The following FAF1 variants were observed in gnomAD, a reference collection of about 807,000 sequenced individuals.
FAF1 encodes FAS-associated factor 1.
FAF1 carries 25 observed loss-of-function variants against 92.5 expected under a neutral mutation model. The observed-to-expected ratio is 0.27, with a 90% confidence interval of 0.20 to 0.38. The LOEUF (loss-of-function observed/expected upper bound fraction) is 0.38. Among genes scored for constraint, FAF1 ranks in the 10% least tolerant of loss-of-function variants. FAF1 has a pLI of 1.00. For missense variants in FAF1, 636 were observed against 793.3 expected (o/e 0.80, Z 2.38); for synonymous variants, 234 against 273.2 (o/e 0.86, Z 1.42).
At chr1:50,555,349 G>C (rs771990540) in intron 13 of FAF1, among the ~76,000 whole-genome samples, 16 of 151,840 alleles carry the variant, frequency 1.1e-4, no homozygotes, top group Non-Finnish European at 1.8e-4. Flanking sequence ...AAAAGAATGG[G>C]AGAAAATACA....
chr1:50,642,939 C>T (rs561811914), intron 8 of FAF1, among the ~76,000 whole-genome samples: 45 of 152,150 alleles, frequency 3.0e-4, no homozygotes, highest in African/African-American at 1.0e-3. Flanking sequence ...CTCCCAGGTT[C>T]AAGCGATTTT....
chr1:50,889,591 C>T (rs1283138788), intron 1 of FAF1, among the ~76,000 whole-genome samples: 1 of 152,168 alleles, frequency 6.6e-6, no homozygotes, highest in Non-Finnish European at 1.5e-5. Flanking sequence ...TTTCAAAGAA[C>T]ATCTTTATTT....
chr1:50,683,529 T>TA (rs746843287), intron 7 of FAF1, among the ~76,000 whole-genome samples: 2,048 of 139,452 alleles, frequency 0.015, 10 homozygotes, highest in Non-Finnish European at 0.02. Context: ...CCTGTCTCAT[T>TA]AAAAAAAAAA....
At chr1:50,922,776 G>T (rs12071169) in intron 1 of FAF1, among the ~76,000 whole-genome samples, 11 of 131,376 alleles carry the variant, frequency 8.4e-5, no homozygotes, top group Non-Finnish European at 1.5e-4. Flanking sequence ...CCAAGATCAC[G>T]CCATTGCACT....
intron 18 of FAF1, among the ~76,000 whole-genome samples, chr1:50,462,638 G>A (rs886194626): frequency 6.6e-6 from 1 of 152,178 alleles, no homozygotes; most frequent in Non-Finnish European, 1.5e-5. Context: ...GACCATTATA[G>A]AATCTGGGGC....
rs1044751554 is a variant in FAF1, at chr1:50,827,027, C to T, written c.115-25350G>A. ...GAGGAGTGCCTCTGCCCGGCCGCCC[C>T]GTCTGGGAGGTGAGGAGCGCCTCTG... On this transcript the variant is annotated intron_variant, in intron 2 of 18. Coordinates refer to ENST00000396153, the MANE Select transcript of FAF1 (RefSeq NM_007051.3). 3.1e-4 allele frequency among the ~76,000 whole-genome samples: 47 copies of T among 150,264 alleles called. 1 individual carries two copies. The highest frequency in any genetic ancestry group is 1.2e-3 in the African/African-American group (47 of 40,718).
chr1:50,654,227 A>G (rs1655003360), intron 8 of FAF1, among the ~76,000 whole-genome samples: 1 of 152,262 alleles, frequency 6.6e-6, no homozygotes, highest in Non-Finnish European at 1.5e-5. Flanking sequence ...ATGTTAAAAG[A>G]TAATTCAATT....
chr1:50,723,325 G>A (rs530276999), intron 6 of FAF1, among the ~76,000 whole-genome samples: 2 of 151,908 alleles, frequency 1.3e-5, no homozygotes, highest in South Asian at 4.2e-4. Context: ...TGCTTGAACC[G>A]GGAGGCAGAG....
chr1:50,727,073 T>A (rs1367680557), intron 6 of FAF1, among the ~76,000 whole-genome samples: 1 of 152,246 alleles, frequency 6.6e-6, no homozygotes, highest in Non-Finnish European at 1.5e-5. Context: ...TTCTTCACTC[T>A]GCCCTTCACT....
intron 1 of FAF1, among the ~76,000 whole-genome samples, chr1:50,924,168 T>C (rs1644986624): frequency 6.6e-6 from 1 of 151,656 alleles, no homozygotes; most frequent in Non-Finnish European, 1.5e-5. Flanking sequence ...ATAGAAAACC[T>C]AACACTTCAC....
chr1:50,598,129 A>G (rs977180755), intron 8 of FAF1, among the ~76,000 whole-genome samples: 1 of 152,092 alleles, frequency 6.6e-6, no homozygotes. Context: ...TCTTGTCTCT[A>G]AAAACATAAA....
chr1:50,502,114 T>A (rs1572789745), intron 15 of FAF1, among the ~76,000 whole-genome samples: 1 of 152,182 alleles, frequency 6.6e-6, no homozygotes, highest in Non-Finnish European at 1.5e-5. Flanking sequence ...AAAATAGGCA[T>A]AATAAGCCCT....
intron 13 of FAF1, among the ~76,000 whole-genome samples, chr1:50,545,046 C>T (rs1400058257): frequency 6.6e-6 from 1 of 151,630 alleles, no homozygotes; most frequent in African/African-American, 2.4e-5. Flanking sequence ...AAAACAAAAA[C>T]AAAAACACCA....
At chr1:50,548,547 T>C (rs992102869) in intron 13 of FAF1, among the ~76,000 whole-genome samples, 1 of 152,216 alleles carries the variant, frequency 6.6e-6, no homozygotes, top group Non-Finnish European at 1.5e-5. Flanking sequence ...ATCAGTTTAA[T>C]TCAAAGACAG....
At chr1:50,702,486 T>C (rs1039944087) in intron 7 of FAF1, among the ~76,000 whole-genome samples, 1 of 152,124 alleles carries the variant, frequency 6.6e-6, no homozygotes, top group South Asian at 2.1e-4. Flanking sequence ...TGATATTTTT[T>C]ACAAGCTGTT....
intron 13 of FAF1, among the ~76,000 whole-genome samples, chr1:50,554,364 A>AATATATATATATATAT (rs149420376): frequency 5.1e-5 from 6 of 117,176 alleles, no homozygotes; most frequent in Non-Finnish European, 8.5e-5. Context: ...AAATGAGGTA[A>AATATATATATATATAT]ATATATATAT....
At chr1:50,783,602 G>A (rs960886727) in intron 4 of FAF1, among the ~76,000 whole-genome samples, 6 of 152,110 alleles carry the variant, frequency 3.9e-5, no homozygotes, top group Non-Finnish European at 7.4e-5. Context: ...GGCCAGGCGC[G>A]GTGGTTCACG....
At chr1:50,478,669 A>G (rs9436900) in intron 17 of FAF1, among the ~76,000 whole-genome samples, 141,273 of 152,272 alleles carry the variant, frequency 0.93, 65,670 homozygotes, top group East Asian at 1. Context: ...ACAATTCAGT[A>G]GCATTAAGTA....
At chr1:50,595,348 C>T (rs1285743563) in intron 9 of FAF1, among the ~76,000 whole-genome samples, 1 of 151,944 alleles carries the variant, frequency 6.6e-6, no homozygotes, top group Non-Finnish European at 1.5e-5. Context: ...GTCACTGTAC[C>T]TGGCCACTGT....
Sources: gnomAD v4.1 joint callset for allele counts (sites outside exome capture counted in the v4.1 genomes callset) on GRCh38, gnomAD v4.1.1 for gene constraint, MANE v1.5 for transcripts, NCBI Gene and HGNC (gene_info 2026-07-23, HGNC 2026-07-21) for gene names.